The following OPCML variants were observed in gnomAD, a reference collection of about 807,000 sequenced individuals.
OPCML encodes opioid-binding protein/cell adhesion molecule.
Under a neutral mutation model 37.8 loss-of-function variants are expected in OPCML, and 13 were observed. The observed-to-expected ratio is 0.34, with a 90% confidence interval of 0.22 to 0.55. OPCML has a LOEUF of 0.55. OPCML is among the 20% of genes least tolerant of loss of function. OPCML has a pLI of 0.91. For synonymous variants in OPCML, 176 were observed against 168.8 expected (o/e 1.04, Z -0.33); for missense variants, 341 against 435.6 (o/e 0.78, Z 1.93).
chr11:133,318,109 T>C (rs959680351), intron 1 of OPCML, among the ~76,000 whole-genome samples: 6 of 152,180 alleles, frequency 3.9e-5, no homozygotes, highest in African/African-American at 1.4e-4. Flanking sequence ...CCCACTGGCA[T>C]TGTGGCCAGC....
At position 132,711,763 on chromosome 11, in the gene OPCML, A is replaced by C. The variant is rs151234273; in HGVS notation, c.147-54444T>G. ...CAGTGTACACACACATATATGGTGCATATGTATATATGTGTATGTGTGTAC... is the reference window on the plus strand; with the variant it reads ...CAGTGTACACACACATATATGGTGCCTATGTATATATGTGTATGTGTGTAC... On this transcript the variant is annotated intron_variant, in intron 2 of 7. Coordinates refer to ENST00000524381, the MANE Select transcript of OPCML (RefSeq NM_001012393.5). Among the ~76,000 whole-genome samples, 143 of 152,314 alleles carry C rather than the reference A, an allele frequency of 9.4e-4. 1 individual carries two copies. Among genetic ancestry groups the C allele is most frequent in the African/African-American group, 3.4e-3 (140 of 41,562 alleles).
chr11:132,452,894 G>T (rs1454377194), intron 4 of OPCML, among the ~76,000 whole-genome samples: 1 of 152,112 alleles, frequency 6.6e-6, no homozygotes, highest in Non-Finnish European at 1.5e-5. Context: ...TTCAAACATA[G>T]AAATAATAGG....
chr11:132,506,650 T>C (rs2096257500), intron 4 of OPCML, among the ~76,000 whole-genome samples: 2 of 152,128 alleles, frequency 1.3e-5, no homozygotes, highest in South Asian at 2.1e-4. Flanking sequence ...TGAGGAAACA[T>C]TTACTCAGCT....
chr11:132,663,281 G>T (rs1449221791), intron 2 of OPCML, among the ~76,000 whole-genome samples: 2 of 152,174 alleles, frequency 1.3e-5, no homozygotes, highest in East Asian at 1.9e-4. Context: ...GTGATAAAAG[G>T]TGTAAGACAA....
chr11:132,708,986 C>A (rs917160530), intron 2 of OPCML, among the ~76,000 whole-genome samples: 3 of 152,100 alleles, frequency 2.0e-5, no homozygotes, highest in Admixed American at 2.0e-4. Context: ...TCTCATGGGT[C>A]ACGGAGTTTC....
At chr11:132,550,925 G>A (rs2096380131) in intron 3 of OPCML, among the ~76,000 whole-genome samples, 1 of 152,184 alleles carries the variant, frequency 6.6e-6, no homozygotes, top group African/African-American at 2.4e-5. Flanking sequence ...TTTTGATTTA[G>A]ACTTTGGATG....
At chr11:133,420,914 A>C in intron 1 of OPCML, 3 of 985,404 alleles carry the variant, frequency 3.0e-6, no homozygotes, top group Non-Finnish European at 3.6e-6. Context: ...AACAGTAAAA[A>C]GGATTACAGT....
At chr11:133,356,443 G>A (rs1056996797) in intron 1 of OPCML, among the ~76,000 whole-genome samples, 1 of 152,152 alleles carries the variant, frequency 6.6e-6, no homozygotes, top group South Asian at 2.1e-4. Context: ...CACAATCGGG[G>A]TTAGACCTGC....
chr11:133,000,815 G>A (rs1946984561), intron 1 of OPCML, among the ~76,000 whole-genome samples: 1 of 152,202 alleles, frequency 6.6e-6, no homozygotes, highest in Admixed American at 6.5e-5. Flanking sequence ...GGTGGGGCCT[G>A]GTGGGAGGTG....
chr11:133,054,124 A>G (rs1053606069), intron 1 of OPCML, among the ~76,000 whole-genome samples: 1 of 152,098 alleles, frequency 6.6e-6, no homozygotes, highest in African/African-American at 2.4e-5. Context: ...ATATGAGTCT[A>G]TATCATTTTC....
chr11:132,727,968 A>T (rs1435280988), intron 2 of OPCML, among the ~76,000 whole-genome samples: 1 of 152,198 alleles, frequency 6.6e-6, no homozygotes, highest in African/African-American at 2.4e-5. Context: ...TCTGAAGGGC[A>T]GTGGGGTTTG....
chr11:133,023,258 T>C (rs1339727463), intron 1 of OPCML, among the ~76,000 whole-genome samples: 1 of 152,204 alleles, frequency 6.6e-6, no homozygotes, highest in Non-Finnish European at 1.5e-5. Flanking sequence ...GCTTTGGCTG[T>C]CCATTGACTT....
intron 4 of OPCML, among the ~76,000 whole-genome samples, chr11:132,473,276 C>T (rs2096143797): frequency 6.6e-6 from 1 of 152,132 alleles, no homozygotes; most frequent in African/African-American, 2.4e-5. Context: ...GGAAGAAAAT[C>T]AATTGAAGGA....
intron 1 of OPCML, among the ~76,000 whole-genome samples, chr11:133,032,210 C>T (rs975704943): frequency 1.3e-5 from 2 of 152,178 alleles, no homozygotes; most frequent in Non-Finnish European, 2.9e-5. Flanking sequence ...TGACCTTGAC[C>T]TGGTTAAATA....
At chr11:132,587,259 A>ATCAT (rs1417106807) in intron 3 of OPCML, among the ~76,000 whole-genome samples, 1 of 152,256 alleles carries the variant, frequency 6.6e-6, no homozygotes, top group African/African-American at 2.4e-5. Context: ...AGAACTATAC[A>ATCAT]TCATTCACAA....
intron 2 of OPCML, among the ~76,000 whole-genome samples, chr11:132,723,771 G>A (rs530067072): frequency 1.3e-5 from 2 of 152,274 alleles, no homozygotes; most frequent in South Asian, 4.2e-4. Context: ...TTAATCTATG[G>A]GCTTAGAGTT....
At chr11:133,135,954 A>G (rs1592035346) in intron 1 of OPCML, among the ~76,000 whole-genome samples, 1 of 152,358 alleles carries the variant, frequency 6.6e-6, no homozygotes, top group Non-Finnish European at 1.5e-5. Flanking sequence ...GCAGAACTCC[A>G]CTGTGGGACA....
chr11:132,635,014 G>C (rs2135705125), intron 3 of OPCML, among the ~76,000 whole-genome samples: 1 of 152,160 alleles, frequency 6.6e-6, no homozygotes, highest in African/African-American at 2.4e-5. Context: ...GGAGATTTTA[G>C]TAGTTTTAAG....
chr11:132,793,785 C>T (rs955631275), intron 2 of OPCML, among the ~76,000 whole-genome samples: 1 of 152,172 alleles, frequency 6.6e-6, no homozygotes, highest in Admixed American at 6.5e-5. Context: ...GCCCTAGGCC[C>T]GGTCCTCTTC....
Sources: allele counts gnomAD v4.1 joint callset (sites outside exome capture counted in the v4.1 genomes callset), GRCh38; gene constraint gnomAD v4.1.1; transcripts MANE v1.5; gene names NCBI Gene and HGNC (gene_info 2026-07-23, HGNC 2026-07-21).